PRRG1: variants seen among roughly 807,000 people sequenced by gnomAD.
PRRG1 encodes transmembrane gamma-carboxyglutamic acid protein 1.
PRRG1 carries 5 observed loss-of-function variants against 11.8 expected under a neutral mutation model. The observed-to-expected ratio is 0.42, with a 90% CI of 0.22 to 0.89. PRRG1 has a LOEUF of 0.89. Among genes scored for constraint, PRRG1 ranks in the 40% least tolerant of loss-of-function variants. PRRG1 has a pLI of 0.28. For synonymous variants in PRRG1, 66 were observed against 60.4 expected (o/e 1.09, Z -0.43); for missense variants, 155 against 166.1 (o/e 0.93, Z 0.37).
chrX:37,351,254 G>A, intron 1 of PRRG1, among the ~76,000 whole-genome samples: 1 of 111,236 alleles, frequency 9.0e-6, no homozygotes. Context: ...CAGCACTTTG[G>A]GAGTCTGAGG....
At chrX:37,423,237 T>C (rs1932710155) in intron 2 of PRRG1, among the ~76,000 whole-genome samples, 2 of 110,693 alleles carry the variant, frequency 1.8e-5, no homozygotes, top group African/African-American at 3.3e-5. Flanking sequence ...ATTAACTTTT[T>C]TTAACAAAAA....
At position 37,453,701 on chromosome X, in the gene PRRG1, G is replaced by T; in HGVS notation, c.*80G>T. ...TCTAGCACTTTACCACTACATAAAT[G>T]TTCATTGACTTATTTTATTGGACTC... On this transcript the variant is annotated 3_prime_UTR_variant, in exon 4 of 4. Transcript: ENST00000378628. The T allele has an allele frequency of 1.0e-6, 1 of 953,242 alleles. No homozygotes were observed. Among genetic ancestry groups the T allele is most frequent in the Non-Finnish European group, 1.4e-6 (1 of 719,008 alleles). The allele number at this position is 953,242 out of a possible 1,213,427, so 78.6% of individuals were successfully genotyped here. A position where few individuals can be genotyped will look rare whatever the true frequency, so the allele number is the denominator to read the frequency against.
chrX:37,429,660 C>T (rs1932807089), intron 3 of PRRG1, among the ~76,000 whole-genome samples: 1 of 111,834 alleles, frequency 8.9e-6, no homozygotes, highest in Admixed American at 9.5e-5. Flanking sequence ...TCTGAGCCCT[C>T]CAAACTGTCC....
intron 3 of PRRG1, chrX:37,441,774 C>T (rs184019451): frequency 7.2e-4 from 565 of 784,045 alleles, no homozygotes; most frequent in Non-Finnish European, 8.0e-4. Context: ...TCTGCTTTCA[C>T]GACATCAGGA....
At position 37,441,721 on chromosome X, in the gene PRRG1, G is replaced by T. The variant is rs79095205; in HGVS notation, c.172-11415G>T. ...CCAGTTGCACAAGAAGAGGGAGCAC[G>T]TCCAGGAGCTGATGAGGCTGCAGAA... On this transcript the variant is annotated intron_variant, in intron 3 of 3. Coordinates refer to ENST00000378628, the MANE Select transcript of PRRG1 (RefSeq NM_001142395.2). 4,320 of 790,096 alleles carry T rather than the reference G, an allele frequency of 5.5e-3. 11 individuals are homozygous for T. Among genetic ancestry groups the T allele is most frequent in the Non-Finnish European group, 5.8e-3 (3,807 of 655,569 alleles). The allele number at this position is 790,096 out of a possible 1,213,427, so 65.1% of individuals were successfully genotyped here.
intron 1 of PRRG1, among the ~76,000 whole-genome samples, chrX:37,398,576 T>C (rs963579918): frequency 2.6e-4 from 29 of 112,235 alleles, no homozygotes; most frequent in African/African-American, 7.1e-4. Flanking sequence ...CAGAGCGCCT[T>C]TCCTCCTCCA....
At chrX:37,426,081 T>G in intron 3 of PRRG1, 81 bp downstream of exon 3, 14 of 968,103 alleles carry the variant, frequency 1.4e-5, no homozygotes, top group Non-Finnish European at 1.9e-5. Flanking sequence ...CCCTGAATTA[T>G]GTACATTGCT....
chrX:37,446,720 G>A (rs1383228596), intron 3 of PRRG1, among the ~76,000 whole-genome samples: 4 of 111,672 alleles, frequency 3.6e-5, no homozygotes, highest in African/African-American at 9.8e-5. Flanking sequence ...AGTTCAAGGG[G>A]CATGGGGCTA....
chrX:37,430,631 C>T (rs1436542934), intron 3 of PRRG1, among the ~76,000 whole-genome samples: 1 of 111,528 alleles, frequency 9.0e-6, no homozygotes, highest in Non-Finnish European at 1.9e-5. Context: ...ATTTTTTTAA[C>T]ATCTTATTTG....
At chrX:37,416,064 A>C (rs781984163) in intron 2 of PRRG1, among the ~76,000 whole-genome samples, 1 of 112,154 alleles carries the variant, frequency 8.9e-6, no homozygotes, top group South Asian at 3.7e-4. Flanking sequence ...CATGTCTTTC[A>C]CCAGTGAAAA....
At chrX:37,393,378 A>G (rs182735290) in intron 1 of PRRG1, among the ~76,000 whole-genome samples, 1,345 of 109,853 alleles carry the variant, frequency 0.012, 7 homozygotes, top group Non-Finnish European at 0.018. Context: ...CTATACCTCA[A>G]GCTTTTATAT....
At chrX:37,381,467 A>G (rs1437049818) in intron 1 of PRRG1, among the ~76,000 whole-genome samples, 1 of 111,642 alleles carries the variant, frequency 9.0e-6, no homozygotes, top group African/African-American at 3.2e-5. Flanking sequence ...ATCATAAGTA[A>G]TAAAGTTTCT....
intron 2 of PRRG1, among the ~76,000 whole-genome samples, chrX:37,410,339 A>C (rs1932318711): frequency 8.9e-6 from 1 of 112,191 alleles, no homozygotes; most frequent in Non-Finnish European, 1.9e-5. Flanking sequence ...TGTAATCCAC[A>C]GACTACTAAT....
chrX:37,405,567 G>T (rs1191189230), intron 1 of PRRG1, among the ~76,000 whole-genome samples: 1 of 110,024 alleles, frequency 9.1e-6, no homozygotes, highest in African/African-American at 3.3e-5. Flanking sequence ...TCATCTTTTG[G>T]AAACAGAATT....
intron 3 of PRRG1, among the ~76,000 whole-genome samples, chrX:37,442,429 T>C (rs1193130754): frequency 1.2e-5 from 1 of 83,578 alleles, no homozygotes; most frequent in Non-Finnish European, 2.2e-5. Flanking sequence ...TTATAAACTC[T>C]GAGGGCATGT....
chrX:37,397,432 A>G (rs1601999723), intron 1 of PRRG1, among the ~76,000 whole-genome samples: 1 of 112,391 alleles, frequency 8.9e-6, no homozygotes, highest in Middle Eastern at 4.6e-3. Flanking sequence ...GTAGGCCACT[A>G]GAATCCTCTT....
Position 37,455,542 on chromosome X carries a change from CTG to C in PRRG1, c.*1924_*1925del, listed in dbSNP as rs1448581288. 8.9e-6 allele frequency: 1 copy of C among 112,021 alleles called. No homozygotes were observed. Among genetic ancestry groups the C allele is most frequent in the East Asian group, 2.8e-4 (1 of 3,600 alleles). The allele number at this position is 112,021 out of a possible 1,213,427, so 9.2% of individuals were successfully genotyped here. On this transcript the variant is annotated 3_prime_UTR_variant, in exon 4 of 4. Coordinates refer to ENST00000378628, the MANE Select transcript of PRRG1 (RefSeq NM_001142395.2). ...TGCCATGCTCTGGTCTGTTCTGAAA[CTG>C]TGCCAACTGAAAGATGATAGTCCAC...
intron 1 of PRRG1, among the ~76,000 whole-genome samples, chrX:37,352,852 A>T (rs1556365148): frequency 1.8e-5 from 2 of 111,921 alleles, no homozygotes; most frequent in South Asian, 3.7e-4. Flanking sequence ...AACATGTGTG[A>T]TGGTGGTTCC....
intron 1 of PRRG1, among the ~76,000 whole-genome samples, chrX:37,367,595 T>G (rs1556369775): frequency 9.0e-6 from 1 of 111,725 alleles, no homozygotes; most frequent in East Asian, 2.8e-4. Flanking sequence ...TTTTTTTTTT[T>G]GTACACCTGG....
Sources: allele counts gnomAD v4.1 joint callset (sites outside exome capture counted in the v4.1 genomes callset), GRCh38; gene constraint gnomAD v4.1.1; transcripts MANE v1.5; gene names NCBI Gene and HGNC (gene_info 2026-07-23, HGNC 2026-07-21).